LHPP: variants seen among roughly 807,000 people sequenced by gnomAD.
LHPP encodes hLHPP.
LHPP carries 24 observed loss-of-function variants against 30.3 expected under a neutral mutation model. The ratio of observed to expected loss-of-function variants is 0.79; its 90% CI spans 0.57 to 1.11. The LOEUF (loss-of-function observed/expected upper bound fraction) is 1.11. LHPP is among the 50% of genes most tolerant of loss of function. The pLI, the probability that LHPP is intolerant of heterozygous loss-of-function variation, is 0.00. For synonymous variants in LHPP, 150 were observed against 157.1 expected (o/e 0.95, Z 0.34); for missense variants, 356 against 367.2 (o/e 0.97, Z 0.25).
At chr10:124,602,241 A>G (rs959175612) in intron 6 of LHPP, among the ~76,000 whole-genome samples, 1 of 152,212 alleles carries the variant, frequency 6.6e-6, no homozygotes, top group African/African-American at 2.4e-5. Context: ...GACTTTGAGC[A>G]TGGCTGTTCA....
At chr10:124,585,276 G>A (rs889316442) in intron 6 of LHPP, among the ~76,000 whole-genome samples, 7 of 152,128 alleles carry the variant, frequency 4.6e-5, no homozygotes, top group Non-Finnish European at 7.4e-5. Context: ...TACCATAAAT[G>A]GGACTGCATT....
intron 5 of LHPP, among the ~76,000 whole-genome samples, chr10:124,508,597 T>G (rs1488171716): frequency 2.0e-5 from 3 of 151,904 alleles, no homozygotes; most frequent in African/African-American, 7.3e-5. Flanking sequence ...AGGCTTTTTT[T>G]TTTTTTTAAG....
At chr10:124,482,689 G>T (rs563139391) in intron 1 of LHPP, among the ~76,000 whole-genome samples, 1 of 151,956 alleles carries the variant, frequency 6.6e-6, no homozygotes, top group East Asian at 1.9e-4. Context: ...TTCCTGGTGG[G>T]CGCCAGGTCC....
chr10:124,530,298 G>A (rs534972670), intron 6 of LHPP, among the ~76,000 whole-genome samples: 4 of 152,104 alleles, frequency 2.6e-5, no homozygotes, highest in African/African-American at 7.2e-5. Flanking sequence ...CCACCTGCTC[G>A]GGCCACAAGA....
intron 4 of LHPP, among the ~76,000 whole-genome samples, chr10:124,497,706 G>A (rs1953767644): frequency 6.6e-6 from 1 of 152,234 alleles, no homozygotes; most frequent in Non-Finnish European, 1.5e-5. Flanking sequence ...GAGAAGGGAT[G>A]AGAGGACGGA....
At chr10:124,610,719 C>T (rs1482816052) in intron 6 of LHPP, among the ~76,000 whole-genome samples, 4 of 62,710 alleles carry the variant, frequency 6.4e-5, no homozygotes, top group Admixed American at 1.6e-4. Context: ...GCTGATGGAG[C>T]GGGCGAGGGT....
At chr10:124,532,388 C>T (rs34823670) in intron 6 of LHPP, among the ~76,000 whole-genome samples, 17,733 of 152,280 alleles carry the variant, frequency 0.12, 1,433 homozygotes, top group Non-Finnish European at 0.16. Context: ...ACACATGCGT[C>T]CATGCTTACC....
At chr10:124,485,081 C>A (rs1354038380) in intron 2 of LHPP, among the ~76,000 whole-genome samples, 1 of 151,960 alleles carries the variant, frequency 6.6e-6, no homozygotes, top group African/African-American at 2.4e-5. Flanking sequence ...TTTTTCCTTT[C>A]CAGGGCAAGG....
chr10:124,536,016 C>A (rs1955015488), intron 6 of LHPP, among the ~76,000 whole-genome samples: 1 of 152,228 alleles, frequency 6.6e-6, no homozygotes, highest in Admixed American at 6.5e-5. Flanking sequence ...GTGGGAGGTT[C>A]TGCTGCTTTA....
chr10:124,468,904 A>C (rs1376328185), intron 1 of LHPP, among the ~76,000 whole-genome samples: 1 of 152,148 alleles, frequency 6.6e-6, no homozygotes, highest in Non-Finnish European at 1.5e-5. Context: ...TGGTGCAGGA[A>C]ACGCCCCCTC....
chr10:124,501,836 A>T (rs530802707), intron 5 of LHPP, among the ~76,000 whole-genome samples: 1 of 151,954 alleles, frequency 6.6e-6, no homozygotes, highest in Non-Finnish European at 1.5e-5. Flanking sequence ...ACTGTCTCAG[A>T]AATGCTCTTT....
At chr10:124,561,501 G>A (rs1035188031) in intron 6 of LHPP, among the ~76,000 whole-genome samples, 1 of 151,862 alleles carries the variant, frequency 6.6e-6, no homozygotes, top group Non-Finnish European at 1.5e-5. Flanking sequence ...GGACTTCATC[G>A]CCACTCAGAG....
chr10:124,583,705 T>C (rs1207976022), intron 6 of LHPP, among the ~76,000 whole-genome samples: 1 of 152,108 alleles, frequency 6.6e-6, no homozygotes, highest in Non-Finnish European at 1.5e-5. Flanking sequence ...CATGAGAACT[T>C]ACTCACTATC....
chr10:124,500,641 A>C (rs1953870683), intron 5 of LHPP, among the ~76,000 whole-genome samples: 1 of 151,944 alleles, frequency 6.6e-6, no homozygotes. Flanking sequence ...ACAGGCATAC[A>C]AAAAGATACT....
chr10:124,518,092 G>A (rs1207348184), intron 6 of LHPP, among the ~76,000 whole-genome samples: 9 of 152,162 alleles, frequency 5.9e-5, no homozygotes, highest in African/African-American at 1.2e-4. Context: ...CAGAGGGCCC[G>A]ACCGTCGCTC....
Position 124,478,962 on chromosome 10 carries a change from G to A in LHPP, c.126-5177G>A, listed in dbSNP as rs1437535293. On this transcript the variant is annotated intron_variant, in intron 1 of 6. Transcript: ENST00000368842. This position sits in a 1 kb window ranked among gnomAD's most constrained non-coding sequence, Gnocchi z 4.7. ...TGGGCACCTGTAATCCCAGCTACTC[G>A]GGAGACTGAGGCAGGAGAATTGCTT... Among the ~76,000 whole-genome samples, 4 of 151,966 alleles carry A rather than the reference G, an allele frequency of 2.6e-5. No individual in the cohort carries two copies. The highest frequency in any genetic ancestry group is 4.4e-5 in the Non-Finnish European group (3 of 67,996).
chr10:124,492,466 G>A (rs765108615), intron 3 of LHPP, among the ~76,000 whole-genome samples: 10 of 152,188 alleles, frequency 6.6e-5, no homozygotes, highest in South Asian at 2.1e-4. Context: ...CAGCAGAGTC[G>A]TAAGGCTGTG....
chr10:124,569,970 C>T (rs11245294), intron 6 of LHPP, among the ~76,000 whole-genome samples: 37,512 of 152,112 alleles, frequency 0.25, 5,157 homozygotes, highest in East Asian at 0.31. Context: ...GACCCCCCGA[C>T]CCCAGGTCAC....
intron 6 of LHPP, among the ~76,000 whole-genome samples, chr10:124,574,377 G>C (rs1360448572): frequency 6.6e-6 from 1 of 152,206 alleles, no homozygotes; most frequent in Non-Finnish European, 1.5e-5. Flanking sequence ...AGGGCCCCAA[G>C]AGGGGCCCTC....
Sources: allele counts gnomAD v4.1 joint callset (sites outside exome capture counted in the v4.1 genomes callset), GRCh38; gene constraint gnomAD v4.1.1; non-coding constraint Gnocchi (gnomAD v3.1); transcripts MANE v1.5; gene names NCBI Gene and HGNC (gene_info 2026-07-23, HGNC 2026-07-21).